The following SYT2 variants were observed in gnomAD, a reference collection of about 807,000 sequenced individuals.
SYT2 encodes the protein synaptotagmin 2.
A neutral mutation model predicts 39.9 loss-of-function variants in SYT2; 15 were observed. The observed-to-expected ratio is 0.38, with a 90% confidence interval of 0.25 to 0.58. SYT2 has a LOEUF of 0.58. SYT2 is among the 20% of genes least tolerant of loss of function. The pLI is 0.70. For missense variants in SYT2, 389 were observed against 530.3 expected (o/e 0.73, Z 2.62); for synonymous variants, 181 against 204.5 (o/e 0.89, Z 0.98).
In SYT2 at chr1:202,628,239, G is replaced by A. The variant is rs533771318; in HGVS notation, c.-17-22450C>T. On this transcript the variant is annotated intron_variant, in intron 1 of 8. Coordinates refer to ENST00000367268, the MANE Select transcript of SYT2 (RefSeq NM_177402.5). The surrounding 1 kb of genome is among the most constrained non-coding windows in gnomAD (Gnocchi z 4.2). Reference sequence around the variant, plus strand: ...TCAGGGGGAGCGAAACAGGTCACTCGCTCAAGCACCCTTCCCCAGAGGATG... The same window carrying A: ...TCAGGGGGAGCGAAACAGGTCACTCACTCAAGCACCCTTCCCCAGAGGATG... 2.6e-5 allele frequency among the ~76,000 whole-genome samples: 4 copies of A among 152,260 alleles called. No individual in the cohort carries two copies. Among genetic ancestry groups the A allele is most frequent in the South Asian group, 2.1e-4 (1 of 4,822 alleles).
intron 1 of SYT2, among the ~76,000 whole-genome samples, chr1:202,622,755 T>C (rs1307329084): frequency 6.6e-6 from 1 of 152,172 alleles, no homozygotes; most frequent in Non-Finnish European, 1.5e-5. Flanking sequence ...TCTGTAAACC[T>C]GCAGCACCTC....
At chr1:202,661,995 G>A (rs1692391077) in intron 1 of SYT2, among the ~76,000 whole-genome samples, 1 of 152,206 alleles carries the variant, frequency 6.6e-6, no homozygotes, top group Non-Finnish European at 1.5e-5. Context: ...TCCACAAGAG[G>A]CCCACCCTCC....
chr1:202,647,773 C>T (rs1558447852), intron 1 of SYT2, among the ~76,000 whole-genome samples: 1 of 152,206 alleles, frequency 6.6e-6, no homozygotes, highest in Non-Finnish European at 1.5e-5. Flanking sequence ...CCTGCAGTCA[C>T]TACCACGACC....
chr1:202,615,458 C>T (rs573259349), intron 1 of SYT2, among the ~76,000 whole-genome samples: 3 of 152,160 alleles, frequency 2.0e-5, no homozygotes, highest in Non-Finnish European at 4.4e-5. Context: ...ACTCATCAAC[C>T]ACCCACAATG....
At position 202,706,420 on chromosome 1, in the gene SYT2, C is replaced by T. The variant is rs558790541; in HGVS notation, c.-18+3838G>A. ...ACGCAGGCCACCCAAGGATGAAAAG[C>T]ACTTACTCCTCCCGCGCCAGGCACT... On this transcript the variant is annotated intron_variant, in intron 1 of 8. Transcript: ENST00000367268. 6.6e-5 allele frequency among the ~76,000 whole-genome samples: 10 copies of T among 152,162 alleles called. No homozygotes were observed. The South Asian group carries it at 2.1e-3, about 32-fold the overall frequency.
chr1:202,652,520 G>A (rs1274613290), intron 1 of SYT2, among the ~76,000 whole-genome samples: 1 of 152,216 alleles, frequency 6.6e-6, no homozygotes, highest in Non-Finnish European at 1.5e-5. Context: ...ATGGTGACAG[G>A]AGCCAGTCCC....
intron 1 of SYT2, among the ~76,000 whole-genome samples, chr1:202,687,439 C>T (rs1018890765): frequency 5.9e-5 from 9 of 152,134 alleles, no homozygotes; most frequent in South Asian, 2.1e-4. Context: ...CTTGACTCCA[C>T]GGGGCCACTC....
intron 4 of SYT2, 65 bp downstream of exon 4, chr1:202,602,934 C>A: frequency 1.3e-6 from 2 of 1,580,840 alleles, no homozygotes; most frequent in Non-Finnish European, 1.7e-6. Flanking sequence ...GTTTCTATCC[C>A]CCTTCCACCC....
chr1:202,695,851 T>C (rs182120253), intron 1 of SYT2, among the ~76,000 whole-genome samples: 1 of 152,322 alleles, frequency 6.6e-6, no homozygotes, highest in East Asian at 1.9e-4. Flanking sequence ...TTACACCTCT[T>C]TAATCACCTG....
At chr1:202,609,145 G>T (rs1690805709) in intron 1 of SYT2, among the ~76,000 whole-genome samples, 1 of 149,814 alleles carries the variant, frequency 6.7e-6, no homozygotes. Flanking sequence ...TTTTGTCCTT[G>T]CGATAGTTTG....
intron 1 of SYT2, among the ~76,000 whole-genome samples, chr1:202,619,544 G>C (rs1302960311): frequency 2.0e-5 from 3 of 152,220 alleles, no homozygotes; most frequent in Non-Finnish European, 1.5e-5. Flanking sequence ...TTAAAATGCA[G>C]ACCCTCTGCC....
intron 1 of SYT2, among the ~76,000 whole-genome samples, chr1:202,700,204 T>C (rs1484466281): frequency 6.6e-6 from 1 of 152,150 alleles, no homozygotes; most frequent in Non-Finnish European, 1.5e-5. Flanking sequence ...AGGTGCTCCC[T>C]GGGCTCCCTC....
At position 202,614,949 on chromosome 1, in the gene SYT2, T is replaced by G. The variant is rs533003232; in HGVS notation, c.-17-9160A>C. ...AGAAGCTGTGGGAGGCCTTTTAGGGTGGGGGCAGGGGTAACATGTACAAAT... is the reference window on the plus strand; with the variant it reads ...AGAAGCTGTGGGAGGCCTTTTAGGGGGGGGGCAGGGGTAACATGTACAAAT... On this transcript the variant is annotated intron_variant, in intron 1 of 8. Coordinates refer to ENST00000367268, the MANE Select transcript of SYT2 (RefSeq NM_177402.5). This position sits in a 1 kb window ranked among gnomAD's most constrained non-coding sequence, Gnocchi z 4.0. Among the ~76,000 whole-genome samples, 1 of 152,126 alleles carries G rather than the reference T, an allele frequency of 6.6e-6. No homozygotes were observed. Among genetic ancestry groups the G allele is most frequent in the African/African-American group, 2.4e-5 (1 of 41,500 alleles).
chr1:202,656,126 G>GCA lies in SYT2; in HGVS notation c.-17-50339_-17-50338dup, dbSNP rs10579829. Among the ~76,000 whole-genome samples, 276 of 150,164 alleles carry GCA rather than the reference G, an allele frequency of 1.8e-3. 2 individuals carry two copies. The East Asian group carries it at 0.019, about 10-fold the overall frequency. ...ACTGGGGGAAAGCGGGCTTTGGAAC[G>GCA]CACACACACACACACACACGTGCAC... is the stretch of plus-strand genomic sequence containing the variant. On this transcript the variant is annotated intron_variant, in intron 1 of 8. Transcript: ENST00000367268.
intron 1 of SYT2, among the ~76,000 whole-genome samples, chr1:202,669,130 T>C (rs1692535081): frequency 6.6e-6 from 1 of 152,256 alleles, no homozygotes. Context: ...CAAAGTGAGA[T>C]ACTGTGAGTC....
In SYT2 at chr1:202,623,082, G is replaced by A. The variant is rs1427356798; in HGVS notation, c.-17-17293C>T. Among the ~76,000 whole-genome samples the A allele has an allele frequency of 6.6e-6, 1 of 152,170 alleles. No individual in the cohort carries two copies. Among genetic ancestry groups the A allele is most frequent in the Non-Finnish European group, 1.5e-5 (1 of 68,026 alleles). ...ATTTGATCCTTGGCTAACTCTTGTA[G>A]GGTGCAGGGATAGTAGCAGTGGTGA... On this transcript the variant is annotated intron_variant, in intron 1 of 8. Coordinates refer to ENST00000367268, the MANE Select transcript of SYT2 (RefSeq NM_177402.5). The surrounding 1 kb of genome is among the most constrained non-coding windows in gnomAD (Gnocchi z 4.2).
Position 202,601,885 on chromosome 1 carries a change from C to T in SYT2, c.801+5G>A, listed in dbSNP as rs778072876. ...TGCCCAACCTGGCCTCATCTCTGCT[C>T]TTACCTCCTCCTTTTCCCCGCCTTG... On this transcript the variant is annotated splice_donor_5th_base_variant and intron_variant, in intron 6 of 8. Transcript: ENST00000367268. This position sits in a 1 kb window ranked among gnomAD's most constrained non-coding sequence, Gnocchi z 4.0. The T allele has an allele frequency of 6.2e-7, 1 of 1,613,454 alleles. No individual in the cohort carries two copies. The highest frequency in any genetic ancestry group is 8.5e-7 in the Non-Finnish European group (1 of 1,179,722).
intron 1 of SYT2, among the ~76,000 whole-genome samples, chr1:202,613,478 A>G (rs1690946199): frequency 6.6e-6 from 1 of 152,076 alleles, no homozygotes; most frequent in Non-Finnish European, 1.5e-5. Context: ...GCAAATGAAG[A>G]TAGTTTTCCA....
chr1:202,630,985 A>G (rs1211251647), intron 1 of SYT2, among the ~76,000 whole-genome samples: 1 of 152,106 alleles, frequency 6.6e-6, no homozygotes, highest in African/African-American at 2.4e-5. Context: ...ACCTCCACCC[A>G]CACACACGGC....
Sources: gnomAD v4.1 joint callset for allele counts (sites outside exome capture counted in the v4.1 genomes callset) on GRCh38, gnomAD v4.1.1 for gene constraint, Gnocchi (gnomAD v3.1) non-coding constraint, MANE v1.5 for transcripts, NCBI Gene and HGNC (gene_info 2026-07-23, HGNC 2026-07-21) for gene names.